ABCA13: variants seen among roughly 807,000 people sequenced by gnomAD.
ABCA13 encodes ATP-binding cassette sub-family A member 13.
Under a neutral mutation model 478.7 loss-of-function variants are expected in ABCA13, and 476 were observed. The observed-to-expected ratio is 0.99, with a 90% confidence interval of 0.92 to 1.07. The LOEUF (loss-of-function observed/expected upper bound fraction) is 1.07. ABCA13 is among the 50% of genes least tolerant of loss of function. ABCA13 has a pLI of 0.00. For synonymous variants in ABCA13, 2,252 were observed against 2,158.9 expected (o/e 1.04, Z -1.20); for missense variants, 6,060 against 5,910.6 (o/e 1.03, Z -0.83).
chr7:48,288,194 A>G, intron 20 of ABCA13, 116 bp downstream of exon 20: 1 of 946,568 alleles, frequency 1.1e-6, no homozygotes, highest in Admixed American at 2.0e-5. Context: ...ATGGTGTCAT[A>G]CACAGTCTTG....
At chr7:48,484,732 G>A (rs745879046) in intron 47 of ABCA13, among the ~76,000 whole-genome samples, 12 of 152,154 alleles carry the variant, frequency 7.9e-5, no homozygotes, top group Non-Finnish European at 8.8e-5. Context: ...TGTTATTTAC[G>A]TGTCCTTCAC....
rs1802054655 is a variant in ABCA13, at chr7:48,313,328, C to A, written c.9681+97C>A. On this transcript the variant is annotated intron_variant, in intron 25 of 61. Coordinates refer to ENST00000435803, the MANE Select transcript of ABCA13 (RefSeq NM_152701.5). ...TTTATCTTCCCACATCTAAAATTTG[C>A]ATTAGACAGCAAAATACAGGAATGA... The A allele has an allele frequency of 2.4e-6, 3 of 1,235,418 alleles. No individual in the cohort carries two copies. The East Asian group carries it at 7.7e-5, about 32-fold the overall frequency. The allele number at this position is 1,235,418 out of a possible 1,614,324, so 76.5% of individuals were successfully genotyped here. A position where few individuals can be genotyped will look rare whatever the true frequency, so the allele number is the denominator to read the frequency against.
chr7:48,480,910 G>A (rs10249009), intron 45 of ABCA13, 126 bp from the exon 46 acceptor site: 97,518 of 660,016 alleles, frequency 0.15, 8,035 homozygotes, highest in East Asian at 0.25. Flanking sequence ...AACATATAAA[G>A]GGCTGCAGAT....
chr7:48,221,369 A>C (rs1356268522), intron 5 of ABCA13, 60 bp downstream of exon 5: 11 of 808,244 alleles, frequency 1.4e-5, no homozygotes, highest in Non-Finnish European at 2.1e-5. Context: ...TTAAGTTTAC[A>C]ACACTGTTTT....
Position 48,310,024 on chromosome 7 carries a change from C to A in ABCA13, c.9399C>A (p.Pro3133=). ...TCCTTCATCTCCTGCTGACATTTCC[C>A]AAAGGGGAAAAATCTTGGATCGCAG... The part of the protein sequence containing the change: ...QEILHLLLTF[P]KGEKSWIAAE... Residue 3133 remains proline, a synonymous_variant, in exon 24 of 62, where the codon CCC becomes CCA. Coordinates refer to ENST00000435803, the MANE Select transcript of ABCA13 (RefSeq NM_152701.5). The A allele has an allele frequency of 1.2e-6, 2 of 1,613,946 alleles. No individual in the cohort carries two copies. Among genetic ancestry groups the A allele is most frequent in the Non-Finnish European group, 1.7e-6 (2 of 1,179,844 alleles).
chr7:48,411,259 C>T (rs1442703481), intron 40 of ABCA13, among the ~76,000 whole-genome samples: 1 of 134,278 alleles, frequency 7.4e-6, no homozygotes, highest in Non-Finnish European at 1.6e-5. Flanking sequence ...GTTTCTCTTT[C>T]CTTCCTTTCC....
intron 15 of ABCA13, among the ~76,000 whole-genome samples, chr7:48,261,316 C>T (rs576090525): frequency 1.7e-4 from 26 of 152,012 alleles, no homozygotes; most frequent in Middle Eastern, 3.4e-3. Context: ...GTAGCTTCCC[C>T]GCCGCTTTTC....
At chr7:48,510,257 A>T (rs552082278) in intron 50 of ABCA13, among the ~76,000 whole-genome samples, 1 of 152,348 alleles carries the variant, frequency 6.6e-6, no homozygotes, top group South Asian at 2.1e-4. Flanking sequence ...AAGGTCAAAG[A>T]AGACAGTGAA....
chr7:48,486,189 A>G (rs1829279125), intron 47 of ABCA13, among the ~76,000 whole-genome samples: 1 of 152,164 alleles, frequency 6.6e-6, no homozygotes, highest in Admixed American at 6.5e-5. Flanking sequence ...ATACTAGAGG[A>G]CAACACCCTT....
intron 55 of ABCA13, among the ~76,000 whole-genome samples, chr7:48,543,310 G>T (rs1784506152): frequency 6.6e-6 from 1 of 151,716 alleles, no homozygotes. Flanking sequence ...ATAGTGATAA[G>T]GAAAAGACTA....
chr7:48,630,479 A>C (rs1415077747), intron 59 of ABCA13, among the ~76,000 whole-genome samples: 1 of 152,208 alleles, frequency 6.6e-6, no homozygotes, highest in Non-Finnish European at 1.5e-5. Flanking sequence ...ATGTTGCTGC[A>C]GAAGACACGA....
chr7:48,219,426 C>T lies in ABCA13; in HGVS notation c.360C>T (p.Asp120=). The change falls in exon 4 of 62, where the codon GAC becomes GAT. Residue 120 remains aspartate, a synonymous_variant. Coordinates refer to ENST00000435803, the MANE Select transcript of ABCA13 (RefSeq NM_152701.5). The part of the protein sequence containing the change: ...NNLAFLKEIQ[D]LAEEIHGMMD... The stretch of plus-strand genomic sequence containing the variant: ...TGGCCTTTTTAAAAGAGATACAAGA[C>T]CTGGCAGAGGAAATTCATGGAATGA... The T allele has an allele frequency of 6.2e-7, 1 of 1,613,062 alleles. No homozygotes were observed. The highest frequency in any genetic ancestry group is 8.5e-7 in the Non-Finnish European group (1 of 1,179,522).
At chr7:48,641,484 C>T (rs898340673) in intron 59 of ABCA13, among the ~76,000 whole-genome samples, 1 of 152,220 alleles carries the variant, frequency 6.6e-6, no homozygotes, top group African/African-American at 2.4e-5. Context: ...AGTCAGTCCT[C>T]TCACAACCTT....
At chr7:48,537,954 A>G (rs866923642) in intron 55 of ABCA13, among the ~76,000 whole-genome samples, 2 of 152,200 alleles carry the variant, frequency 1.3e-5, no homozygotes, top group African/African-American at 4.8e-5. Flanking sequence ...AGAACTGAAC[A>G]TACTGACATA....
At chr7:48,480,421 C>T (rs1263700073) in intron 45 of ABCA13, among the ~76,000 whole-genome samples, 1 of 147,556 alleles carries the variant, frequency 6.8e-6, no homozygotes, top group African/African-American at 2.5e-5. Context: ...AATATATCAT[C>T]TTTTCTGAAA....
chr7:48,548,857 G>T (rs1785057596), intron 55 of ABCA13, among the ~76,000 whole-genome samples: 1 of 151,544 alleles, frequency 6.6e-6, no homozygotes, highest in South Asian at 2.1e-4. Context: ...CACCTGGGGA[G>T]CTCTAATCCT....
chr7:48,191,704 G>A (rs1039525001), intron 1 of ABCA13, among the ~76,000 whole-genome samples: 2 of 152,104 alleles, frequency 1.3e-5, no homozygotes, highest in African/African-American at 2.4e-5. Flanking sequence ...CACCGTGCCC[G>A]GCCAAAGAGG....
At chr7:48,563,038 G>A (rs145251940) in intron 55 of ABCA13, among the ~76,000 whole-genome samples, 2 of 151,860 alleles carry the variant, frequency 1.3e-5, no homozygotes, top group East Asian at 3.9e-4. Flanking sequence ...TTGTGATATT[G>A]CTTTAGCATT....
At chr7:48,193,811 G>GA in intron 2 of ABCA13, among the ~76,000 whole-genome samples, 1 of 6,970 alleles carries the variant, frequency 1.4e-4, no homozygotes, top group Non-Finnish European at 3.5e-4. Context: ...ATGATGATTG[G>GA]GAAAATAGTG....
Sources: gnomAD v4.1 joint callset for allele counts (sites outside exome capture counted in the v4.1 genomes callset) on GRCh38, gnomAD v4.1.1 for gene constraint, MANE v1.5 for transcripts, NCBI Gene and HGNC (gene_info 2026-07-23, HGNC 2026-07-21) for gene names.